The following RBFOX1 variants were observed in gnomAD, a reference collection of about 807,000 sequenced individuals.
The protein encoded by RBFOX1 is RNA binding fox-1 homolog 1, also known as RNA binding protein fox-1 homolog 1.
Under a neutral mutation model 57.7 loss-of-function variants are expected in RBFOX1, and 8 were observed. That is an observed-to-expected ratio of 0.14 (90% CI 0.08 to 0.25). The LOEUF (loss-of-function observed/expected upper bound fraction) is 0.25. RBFOX1 is among the 10% of genes least tolerant of loss of function. The pLI is 1.00. For missense variants in RBFOX1, 611 were observed against 548.5 expected, an observed-to-expected ratio of 1.11 and a Z score of -1.14; for synonymous variants, 326 against 222.4, an observed-to-expected ratio of 1.47 and a Z score of -4.15.
intron 4 of RBFOX1, among the ~76,000 whole-genome samples, chr16:7,201,368 C>G (rs931820347): frequency 2.0e-5 from 3 of 151,858 alleles, no homozygotes; most frequent in African/African-American, 7.3e-5. Flanking sequence ...CTATTGTGGG[C>G]TATGTTAAGA....
At chr16:6,810,796 C>A (rs1354960990) in intron 3 of RBFOX1, among the ~76,000 whole-genome samples, 1 of 152,042 alleles carries the variant, frequency 6.6e-6, no homozygotes. Flanking sequence ...TCAGATCTCG[C>A]CAGAAGTCAC....
At chr16:6,206,433 C>G (rs1954836515) in intron 1 of RBFOX1, among the ~76,000 whole-genome samples, 1 of 152,170 alleles carries the variant, frequency 6.6e-6, no homozygotes, top group Non-Finnish European at 1.5e-5. Flanking sequence ...TCAATTCTTG[C>G]TATGATAAAC....
intron 4 of RBFOX1, among the ~76,000 whole-genome samples, chr16:7,399,172 G>A (rs544098195): frequency 6.6e-6 from 1 of 152,352 alleles, no homozygotes; most frequent in South Asian, 2.1e-4. Flanking sequence ...GTCGGGCCAG[G>A]TGCGGTAGCT....
intron 1 of RBFOX1, among the ~76,000 whole-genome samples, chr16:6,108,945 T>C (rs545090374): frequency 6.6e-6 from 1 of 152,202 alleles, no homozygotes; most frequent in Non-Finnish European, 1.5e-5. Flanking sequence ...AGATCATTAA[T>C]TGAATCTCAT....
At chr16:7,041,608 GC>G (rs1325418698) in intron 3 of RBFOX1, among the ~76,000 whole-genome samples, 1 of 152,060 alleles carries the variant, frequency 6.6e-6, no homozygotes, top group Non-Finnish European at 1.5e-5. Flanking sequence ...ACTGCCAGCT[GC>G]CCCCTCGAAA....
intron 5 of RBFOX1, among the ~76,000 whole-genome samples, chr16:7,531,849 C>G (rs1407156565): frequency 5.3e-5 from 8 of 152,070 alleles, no homozygotes; most frequent in Admixed American, 5.2e-4. Flanking sequence ...GTAGAGCTCT[C>G]AACTCCCTCA....
chr16:7,142,656 T>C (rs905592831), intron 4 of RBFOX1, among the ~76,000 whole-genome samples: 2 of 152,222 alleles, frequency 1.3e-5, no homozygotes, highest in African/African-American at 4.8e-5. Flanking sequence ...GATAACAGTT[T>C]AATCAGTAAT....
At chr16:5,445,267 G>T (rs1016713165) in intron 1 of RBFOX1, among the ~76,000 whole-genome samples, 2 of 152,118 alleles carry the variant, frequency 1.3e-5, no homozygotes, top group Non-Finnish European at 2.9e-5. Context: ...ACAGGACATG[G>T]TATTTGATGA....
chr16:5,656,059 C>A (rs1465883074), intron 3 of RBFOX1, among the ~76,000 whole-genome samples: 1 of 152,110 alleles, frequency 6.6e-6, no homozygotes, highest in African/African-American at 2.4e-5. Flanking sequence ...ACTGGGATTA[C>A]TTTTCTGGAG....
intron 4 of RBFOX1, among the ~76,000 whole-genome samples, chr16:5,935,949 C>G (rs1035562938): frequency 3.9e-5 from 6 of 152,126 alleles, no homozygotes; most frequent in African/African-American, 1.2e-4. Context: ...CCCTGGAGGC[C>G]CTCAGGGCCT....
At chr16:5,941,610 T>A (rs1311018635) in intron 4 of RBFOX1, among the ~76,000 whole-genome samples, 3 of 152,122 alleles carry the variant, frequency 2.0e-5, no homozygotes, top group African/African-American at 4.8e-5. Flanking sequence ...ACCTGGCACA[T>A]AATATGTGCT....
intron 2 of RBFOX1, among the ~76,000 whole-genome samples, chr16:6,431,903 TTCTTTC>T (rs1244170618): frequency 1.2e-5 from 1 of 82,186 alleles, no homozygotes; most frequent in Non-Finnish European, 2.8e-5. Context: ...CTTGCTTTCT[TTCTTTC>T]TTTCTTTCTT....
At chr16:5,632,147 T>C (rs1252355389) in intron 3 of RBFOX1, among the ~76,000 whole-genome samples, 1 of 152,244 alleles carries the variant, frequency 6.6e-6, no homozygotes, top group Non-Finnish European at 1.5e-5. Flanking sequence ...AGGATGCAGG[T>C]AAGCTACTTC....
intron 3 of RBFOX1, among the ~76,000 whole-genome samples, chr16:6,860,160 G>T (rs1266287439): frequency 6.6e-6 from 1 of 152,064 alleles, no homozygotes; most frequent in African/African-American, 2.4e-5. Context: ...TGTTTTTCTT[G>T]CTTCATTTTC....
At position 5,750,635 on chromosome 16, in the gene RBFOX1, T is replaced by G. The variant is rs150601774; in HGVS notation, c.319-116668T>G. 4.3e-3 allele frequency among the ~76,000 whole-genome samples: 648 copies of G among 152,242 alleles called. 6 individuals are homozygous for G. Among genetic ancestry groups the G allele is most frequent in the African/African-American group, 0.015 (608 of 41,554 alleles). ...CTCAGACGGCTGTGCTAGCAATGAG[T>G]GAGGCTTTGTGGGCGTGGGACCCTC... is the stretch of plus-strand genomic sequence containing the variant. On this transcript the variant is annotated intron_variant, in intron 3 of 19. Coordinates refer to the RBFOX1 transcript ENST00000641259.
chr16:6,076,085 GT>G (rs2152495789), intron 1 of RBFOX1, among the ~76,000 whole-genome samples: 1 of 152,228 alleles, frequency 6.6e-6, no homozygotes, highest in Admixed American at 6.5e-5. Flanking sequence ...AATCACCTGA[GT>G]TTGGGGGTTC....
At chr16:6,618,945 A>G (rs2098183862) in intron 2 of RBFOX1, among the ~76,000 whole-genome samples, 1 of 152,338 alleles carries the variant, frequency 6.6e-6, no homozygotes, top group Middle Eastern at 3.4e-3. Flanking sequence ...GTGAAAACAC[A>G]TCACAGAGAA....
intron 3 of RBFOX1, among the ~76,000 whole-genome samples, chr16:6,697,813 T>G (rs2154138750): frequency 6.6e-6 from 1 of 152,298 alleles, no homozygotes; most frequent in African/African-American, 2.4e-5. Context: ...AGTCCATATC[T>G]CTACATGGCC....
chr16:5,952,046 C>T (rs2059531323), intron 4 of RBFOX1, among the ~76,000 whole-genome samples: 2 of 150,410 alleles, frequency 1.3e-5, no homozygotes, highest in South Asian at 4.2e-4. Flanking sequence ...TAGACATACA[C>T]ATATATACAC....
Sources: gnomAD v4.1 joint callset for allele counts (sites outside exome capture counted in the v4.1 genomes callset) on GRCh38, gnomAD v4.1.1 for gene constraint, MANE v1.5 for transcripts, NCBI Gene and HGNC (gene_info 2026-07-23, HGNC 2026-07-21) for gene names.